Variants in FNIP1 observed in about 807,000 individuals in gnomAD.
FNIP1 encodes folliculin interacting protein 1.
A neutral mutation model predicts 124.5 loss-of-function variants in FNIP1; 40 were observed. That is an observed-to-expected ratio of 0.32 (90% CI 0.25 to 0.42). FNIP1 has a LOEUF of 0.42. FNIP1 is among the 10% of genes least tolerant of loss of function. FNIP1 has a pLI of 1.00. For missense variants in FNIP1, 1,176 were observed against 1,403.7 expected (o/e 0.84, Z 2.59); for synonymous variants, 472 against 470.6 (o/e 1.00, Z -0.04).
chr5:131,696,328 A>G (rs1237895833), intron 11 of FNIP1, among the ~76,000 whole-genome samples: 1 of 152,204 alleles, frequency 6.6e-6, no homozygotes, highest in Non-Finnish European at 1.5e-5. Context: ...TTATTTAATC[A>G]TGAATGGCAC....
At chr5:131,682,101 A>G (rs1424941899) in intron 11 of FNIP1, among the ~76,000 whole-genome samples, 1 of 152,122 alleles carries the variant, frequency 6.6e-6, no homozygotes, top group Non-Finnish European at 1.5e-5. Flanking sequence ...TTGTTTCTTA[A>G]TCATGTGCAT....
intron 11 of FNIP1, among the ~76,000 whole-genome samples, chr5:131,694,296 T>C (rs1580761489): frequency 1.3e-5 from 2 of 152,260 alleles, no homozygotes; most frequent in African/African-American, 4.8e-5. Context: ...TTATTTATAA[T>C]CACCAAAAAC....
intron 2 of FNIP1, among the ~76,000 whole-genome samples, chr5:131,739,104 C>A (rs1271929417): frequency 1.3e-5 from 2 of 152,208 alleles, no homozygotes; most frequent in Non-Finnish European, 2.9e-5. Context: ...GCGTGAGCCA[C>A]TGCACCCAGC....
At position 131,786,072 on chromosome 5, in the gene FNIP1, T is replaced by G. The variant is rs148854274; in HGVS notation, c.92+10758A>C. Among the ~76,000 whole-genome samples, 16 of 152,316 alleles carry G rather than the reference T, an allele frequency of 1.1e-4. No homozygotes were observed. In the East Asian group the frequency reaches 3.1e-3, roughly 29 times the overall value. On this transcript the variant is annotated intron_variant, in intron 1 of 17. Coordinates refer to ENST00000510461, the MANE Select transcript of FNIP1 (RefSeq NM_133372.3). The stretch of plus-strand genomic sequence containing the variant: ...AATCAAAATAAATAAAATTTTCCTT[T>G]AAATTGATAAACAATGATGTCAAAG...
At chr5:131,751,186 C>T (rs769489389) in intron 1 of FNIP1, among the ~76,000 whole-genome samples, 20 of 152,118 alleles carry the variant, frequency 1.3e-4, no homozygotes, top group African/African-American at 2.4e-4. Context: ...ATATCAATTC[C>T]ATGCCTTTGT....
intron 10 of FNIP1, among the ~76,000 whole-genome samples, chr5:131,701,485 G>A (rs1768898123): frequency 6.6e-6 from 1 of 152,182 alleles, no homozygotes; most frequent in South Asian, 2.1e-4. Flanking sequence ...CAAAATGTGA[G>A]TGCAGCCAAT....
chr5:131,691,290 T>C (rs1469522828), intron 11 of FNIP1, among the ~76,000 whole-genome samples: 1 of 152,112 alleles, frequency 6.6e-6, no homozygotes, highest in Non-Finnish European at 1.5e-5. Flanking sequence ...TTTAAAATAT[T>C]TTGAACTAAA....
chr5:131,748,131 G>C (rs1330657796), intron 1 of FNIP1, among the ~76,000 whole-genome samples: 1 of 152,052 alleles, frequency 6.6e-6, no homozygotes, highest in East Asian at 1.9e-4. Flanking sequence ...GAGTAAAAAA[G>C]AGAATAGCAG....
At chr5:131,673,175 G>A (rs1004794808) in intron 13 of FNIP1, among the ~76,000 whole-genome samples, 1 of 151,576 alleles carries the variant, frequency 6.6e-6, no homozygotes, top group Admixed American at 6.6e-5. Flanking sequence ...AGCCTCCTGA[G>A]TAGCTGGGAC....
rs542149034 is a variant in FNIP1, at chr5:131,642,685, C to T, written c.*2000G>A. 7.9e-5 allele frequency: 12 copies of T among 151,722 alleles called. No homozygotes were observed. In the East Asian group the frequency reaches 2.3e-3, roughly 29 times the overall value. 9.4% of individuals were successfully genotyped at this position (151,722 alleles called of 1,614,324 possible). On this transcript the variant is annotated 3_prime_UTR_variant, in exon 18 of 18. Transcript: ENST00000510461. Reference sequence around the variant, plus strand: ...AGGAGTTCAAGACCAGCCTGACCAACACATGGTGAAATCTCATCTCTACTA... The same window carrying T: ...AGGAGTTCAAGACCAGCCTGACCAATACATGGTGAAATCTCATCTCTACTA...
At chr5:131,676,016 G>A (rs1319079991) in intron 13 of FNIP1, among the ~76,000 whole-genome samples, 1 of 150,880 alleles carries the variant, frequency 6.6e-6, no homozygotes, top group African/African-American at 2.4e-5. Flanking sequence ...CTGCCACCAC[G>A]CCCAGCTAAT....
intron 2 of FNIP1, among the ~76,000 whole-genome samples, chr5:131,733,731 C>A (rs1233309677): frequency 6.6e-6 from 1 of 152,124 alleles, no homozygotes; most frequent in Non-Finnish European, 1.5e-5. Context: ...TTTGGTTTGC[C>A]AGTATTTTAT....
intron 3 of FNIP1, among the ~76,000 whole-genome samples, chr5:131,727,756 C>T (rs1194552708): frequency 6.6e-6 from 1 of 152,178 alleles, no homozygotes; most frequent in African/African-American, 2.4e-5. Flanking sequence ...TTTGTTCATG[C>T]TGTTTCTTCT....
intron 15 of FNIP1, among the ~76,000 whole-genome samples, chr5:131,661,062 A>G (rs567560202): frequency 6.6e-6 from 1 of 152,178 alleles, no homozygotes; most frequent in East Asian, 1.9e-4. Context: ...GGCGGTTTCA[A>G]TTGGCTCTCC....
chr5:131,735,277 C>T (rs924542928), intron 2 of FNIP1, among the ~76,000 whole-genome samples: 5 of 151,838 alleles, frequency 3.3e-5, no homozygotes, highest in Non-Finnish European at 4.4e-5. Context: ...CTTGGACACA[C>T]GAAGGGGAAC....
chr5:131,646,580 A>G (rs1766888167), intron 17 of FNIP1, among the ~76,000 whole-genome samples: 2 of 152,204 alleles, frequency 1.3e-5, no homozygotes, highest in African/African-American at 4.8e-5. Flanking sequence ...AAATAGGGCT[A>G]TATTATGCCC....
intron 1 of FNIP1, chr5:131,795,834 T>C (rs1242710274): frequency 3.3e-5 from 5 of 152,372 alleles, no homozygotes; most frequent in East Asian, 3.8e-4. Flanking sequence ...GTTTCTACTA[T>C]TGTTGTACAA....
chr5:131,668,916 A>G (rs985173276), intron 15 of FNIP1, among the ~76,000 whole-genome samples: 6 of 152,244 alleles, frequency 3.9e-5, no homozygotes, highest in African/African-American at 1.4e-4. Flanking sequence ...CAAAAAATAT[A>G]TACAATTTAA....
Position 131,693,350 on chromosome 5 carries a change from A to ATG in FNIP1, c.1202+5566_1202+5567insCA, listed in dbSNP as rs1554094509. Among the ~76,000 whole-genome samples, 6 of 136,488 alleles carry ATG rather than the reference A, an allele frequency of 4.4e-5. No individual in the cohort carries two copies. The South Asian group carries it at 9.1e-4, about 21-fold the overall frequency. 89.5% of individuals were successfully genotyped at this position (136,488 alleles called of 152,430 possible). A position where few individuals can be genotyped will look rare whatever the true frequency, so the allele number is the denominator to read the frequency against. ...TATATATACATATATATATATATAT[A>ATG]TATATATATATAGTTACAGAGATCA... On this transcript the variant is annotated intron_variant, in intron 11 of 17. Transcript: ENST00000510461.
Sources: gnomAD v4.1 joint callset for allele counts (sites outside exome capture counted in the v4.1 genomes callset) on GRCh38, gnomAD v4.1.1 for gene constraint, MANE v1.5 for transcripts, NCBI Gene and HGNC (gene_info 2026-07-23, HGNC 2026-07-21) for gene names.